The following SCAPER variants were observed in gnomAD, a reference collection of about 807,000 sequenced individuals.
SCAPER encodes S phase cyclin A-associated protein in the endoplasmic reticulum.
SCAPER carries 98 observed loss-of-function variants against 182.2 expected under a neutral mutation model. That is an observed-to-expected ratio of 0.54 (90% confidence interval 0.46 to 0.64). The LOEUF (loss-of-function observed/expected upper bound fraction) is 0.64. SCAPER is among the 30% of genes least tolerant of loss of function. SCAPER has a pLI of 0.00. For missense variants in SCAPER, 1,432 were observed against 1,690.0 expected, an observed-to-expected ratio of 0.85 and a Z score of 2.68; for synonymous variants, 605 against 564.6, an observed-to-expected ratio of 1.07 and a Z score of -1.01.
At chr15:76,756,113 G>T (rs570863065) in intron 14 of SCAPER, among the ~76,000 whole-genome samples, 1 of 151,978 alleles carries the variant, frequency 6.6e-6, no homozygotes, top group Non-Finnish European at 1.5e-5. Context: ...GTGTGGTGGT[G>T]CACGCCTATA....
At chr15:76,577,536 G>GA (rs549850021) in intron 22 of SCAPER, among the ~76,000 whole-genome samples, 137 of 152,308 alleles carry the variant, frequency 9.0e-4, no homozygotes, top group African/African-American at 3.2e-3. Flanking sequence ...TAACTGGGCA[G>GA]AATCCTGAGG....
intron 20 of SCAPER, among the ~76,000 whole-genome samples, chr15:76,668,030 C>T (rs553922089): frequency 5.3e-5 from 8 of 152,166 alleles, no homozygotes; most frequent in South Asian, 4.2e-4. Flanking sequence ...ATCAGCATTT[C>T]GAAAATAACA....
At chr15:76,756,265 A>AAAAAAC (rs2062426759) in intron 14 of SCAPER, among the ~76,000 whole-genome samples, 1 of 151,038 alleles carries the variant, frequency 6.6e-6, no homozygotes, top group African/African-American at 2.4e-5. Context: ...AAAAAAAAAA[A>AAAAAAC]AATCATCAAA....
intron 5 of SCAPER, among the ~76,000 whole-genome samples, chr15:76,828,252 A>T (rs1677603970): frequency 1.3e-5 from 2 of 151,132 alleles, no homozygotes; most frequent in South Asian, 2.1e-4. Context: ...TTTATAAATT[A>T]CCCAGTTTCT....
chr15:76,662,693 A>C (rs1356560913), intron 21 of SCAPER, among the ~76,000 whole-genome samples: 1 of 152,156 alleles, frequency 6.6e-6, no homozygotes, highest in Non-Finnish European at 1.5e-5. Flanking sequence ...AGATTTTTTT[A>C]AATCAAGGTG....
intron 25 of SCAPER, among the ~76,000 whole-genome samples, chr15:76,443,838 T>C (rs543145573): frequency 3.7e-4 from 56 of 152,342 alleles, no homozygotes; most frequent in Non-Finnish European, 7.5e-4. Flanking sequence ...CAATAGGACA[T>C]GGCTTTACCA....
intron 26 of SCAPER, among the ~76,000 whole-genome samples, chr15:76,405,022 C>A (rs1232102788): frequency 6.6e-6 from 1 of 151,370 alleles, no homozygotes; most frequent in Non-Finnish European, 1.5e-5. Flanking sequence ...AAAACTGTTC[C>A]TTTTTAAAGT....
At chr15:76,800,083 C>T (rs1257953100) in intron 7 of SCAPER, among the ~76,000 whole-genome samples, 165 bp downstream of exon 7, 1 of 130,854 alleles carries the variant, frequency 7.6e-6, no homozygotes, top group East Asian at 2.1e-4. Context: ...CCCGGGATTG[C>T]TAACCAACAC....
chr15:76,787,424 C>A (rs965535683), intron 8 of SCAPER, among the ~76,000 whole-genome samples: 1 of 152,046 alleles, frequency 6.6e-6, no homozygotes, highest in African/African-American at 2.4e-5. Context: ...TCACTCTCTC[C>A]CCAAGGCTGG....
At chr15:76,900,635 G>A (rs1398879608) in intron 1 of SCAPER, among the ~76,000 whole-genome samples, 2 of 152,148 alleles carry the variant, frequency 1.3e-5, no homozygotes, top group Non-Finnish European at 2.9e-5. Flanking sequence ...CGGAATATCT[G>A]TGGAGATGCC....
intron 26 of SCAPER, among the ~76,000 whole-genome samples, chr15:76,418,153 A>C (rs2045787281): frequency 6.6e-6 from 1 of 152,152 alleles, no homozygotes; most frequent in South Asian, 2.1e-4. Flanking sequence ...TGATATTTTG[A>C]CTGTAGTGAT....
intron 25 of SCAPER, among the ~76,000 whole-genome samples, chr15:76,442,172 C>T (rs1199026778): frequency 2.6e-5 from 4 of 152,154 alleles, no homozygotes; most frequent in Admixed American, 6.5e-5. Flanking sequence ...CAATATCCTA[C>T]GTGTTCACCT....
chr15:76,618,904 G>A (rs1392481646), intron 22 of SCAPER, among the ~76,000 whole-genome samples: 1 of 152,172 alleles, frequency 6.6e-6, no homozygotes, highest in Non-Finnish European at 1.5e-5. Context: ...CAGTATAGTG[G>A]CACGATCTCA....
chr15:76,619,913 T>C (rs1024176609), intron 22 of SCAPER, among the ~76,000 whole-genome samples: 4 of 151,930 alleles, frequency 2.6e-5, no homozygotes, highest in African/African-American at 9.7e-5. Context: ...TTGTCTCTAC[T>C]AAAATATAAA....
intron 23 of SCAPER, among the ~76,000 whole-genome samples, chr15:76,536,913 T>C (rs1334314168): frequency 1.3e-5 from 2 of 151,466 alleles, no homozygotes; most frequent in African/African-American, 2.4e-5. Context: ...AGCATTCTTA[T>C]ACACCAATAA....
chr15:76,671,495 T>G (rs1426242759), intron 20 of SCAPER, among the ~76,000 whole-genome samples: 9 of 151,614 alleles, frequency 5.9e-5, no homozygotes, highest in South Asian at 2.1e-4. Context: ...TAGAAGTGAG[T>G]GTGGTGGCTC....
chr15:76,837,160 T>C (rs2069025469), intron 5 of SCAPER, among the ~76,000 whole-genome samples: 1 of 152,092 alleles, frequency 6.6e-6, no homozygotes. Flanking sequence ...AGGTCCAATA[T>C]CTAGAATCTA....
At chr15:76,688,518 T>C (rs1330131027) in intron 20 of SCAPER, among the ~76,000 whole-genome samples, 2 of 152,234 alleles carry the variant, frequency 1.3e-5, no homozygotes, top group African/African-American at 4.8e-5. Context: ...CCCATGCCTA[T>C]GTCCTAAATG....
rs191082639 is a variant in SCAPER, at chr15:76,590,850, T to C, written c.2712-16566A>G. ...ATACATACACACAAGGAAATACTAT[T>C]CAGTCATTTAAAAAATGAAATCATG... On this transcript the variant is annotated intron_variant, in intron 22 of 31. Coordinates refer to ENST00000563290, the MANE Select transcript of SCAPER (RefSeq NM_020843.4). Among the ~76,000 whole-genome samples, 570 of 152,332 alleles carry C rather than the reference T, an allele frequency of 3.7e-3. 4 individuals carry two copies. The highest frequency in any genetic ancestry group is 4.0e-3 in the Non-Finnish European group (273 of 68,034).
Sources: gnomAD v4.1 joint callset for allele counts (sites outside exome capture counted in the v4.1 genomes callset) on GRCh38, gnomAD v4.1.1 for gene constraint, MANE v1.5 for transcripts, NCBI Gene and HGNC (gene_info 2026-07-23, HGNC 2026-07-21) for gene names.